The following CCSER1 variants were observed in gnomAD, a reference collection of about 807,000 sequenced individuals.
The protein encoded by CCSER1 is coiled-coil serine rich protein 1.
Under a neutral mutation model 82.0 loss-of-function variants are expected in CCSER1, and 41 were observed. That is an observed-to-expected ratio of 0.50 (90% CI 0.39 to 0.65). The LOEUF (loss-of-function observed/expected upper bound fraction) is 0.65. Among genes scored for constraint, CCSER1 ranks in the 30% least tolerant of loss-of-function variants. The pLI is 0.00. For synonymous variants in CCSER1, 414 were observed against 383.9 expected, an observed-to-expected ratio of 1.08 and a Z score of -0.92; for missense variants, 1,119 against 1,064.2, an observed-to-expected ratio of 1.05 and a Z score of -0.72.
chr4:90,149,706 A>G (rs563348556), intron 1 of CCSER1, among the ~76,000 whole-genome samples: 2 of 152,278 alleles, frequency 1.3e-5, no homozygotes, highest in African/African-American at 2.4e-5. Flanking sequence ...GTGTTTGAAA[A>G]TCAGAAACAG....
Position 90,468,293 on chromosome 4 carries a change from A to G in CCSER1, c.1663A>G (p.Met555Val), listed in dbSNP as rs187207325. Residue 555 changes from methionine to valine, a missense_variant, in exon 5 of 11, where the codon ATG becomes GTG. Coordinates refer to ENST00000509176, the MANE Select transcript of CCSER1 (RefSeq NM_001145065.2). ...VSCAAVVLTP[M>V]EPMIEMKKRE... ...ATGTGCCGCAGTAGTTCTTACTCCT[A>G]TGGAACCAATGATAGAAATGAAGAA... 1,584 of 1,609,256 alleles carry G rather than the reference A, an allele frequency of 9.8e-4. 8 individuals carry two copies. The Admixed American group carries it at 0.014, about 14-fold the overall frequency.
intron 10 of CCSER1, among the ~76,000 whole-genome samples, chr4:91,100,797 A>T (rs1724984366): frequency 6.6e-6 from 1 of 152,148 alleles, no homozygotes; most frequent in Non-Finnish European, 1.5e-5. Flanking sequence ...ATGTTTGTAG[A>T]TCACTGACCT....
intron 5 of CCSER1, among the ~76,000 whole-genome samples, chr4:90,495,001 A>C (rs1018933771): frequency 3.9e-5 from 6 of 152,126 alleles, no homozygotes; most frequent in South Asian, 2.1e-4. Context: ...ATTCACATTC[A>C]TTTCAGATGC....
intron 6 of CCSER1, among the ~76,000 whole-genome samples, chr4:90,632,674 T>G (rs996767679): frequency 6.6e-6 from 1 of 152,130 alleles, no homozygotes; most frequent in Non-Finnish European, 1.5e-5. Context: ...ACTTTCTCAG[T>G]GTCTCTTCCA....
intron 7 of CCSER1, among the ~76,000 whole-genome samples, chr4:90,733,773 A>G (rs1178781746): frequency 6.6e-6 from 1 of 152,148 alleles, no homozygotes; most frequent in Non-Finnish European, 1.5e-5. Flanking sequence ...ATCATTTATT[A>G]AAGAGATTTT....
At chr4:91,253,909 C>T (rs906022672) in intron 10 of CCSER1, among the ~76,000 whole-genome samples, 2 of 152,152 alleles carry the variant, frequency 1.3e-5, no homozygotes, top group South Asian at 2.1e-4. Flanking sequence ...TGAGAACTCA[C>T]TATCACGAGG....
intron 6 of CCSER1, among the ~76,000 whole-genome samples, chr4:90,659,100 G>A (rs1011864042): frequency 3.6e-5 from 2 of 56,234 alleles, no homozygotes; most frequent in Non-Finnish European, 7.6e-5. Context: ...TTTTTTTTTT[G>A]AGAACTGCCC....
At chr4:90,700,134 C>A (rs890384096) in intron 6 of CCSER1, among the ~76,000 whole-genome samples, 15 of 152,042 alleles carry the variant, frequency 9.9e-5, no homozygotes, top group East Asian at 3.9e-4. Flanking sequence ...CTATCCCTCC[C>A]CACTCCCCTC....
chr4:90,784,501 T>C (rs7661902), intron 7 of CCSER1, among the ~76,000 whole-genome samples: 139,031 of 152,274 alleles, frequency 0.91, 63,656 homozygotes, highest in African/African-American at 0.98. Flanking sequence ...TTTTGATAAG[T>C]CTGGAGCTGT....
At chr4:91,497,115 G>A (rs1039936816) in intron 10 of CCSER1, among the ~76,000 whole-genome samples, 5 of 151,072 alleles carry the variant, frequency 3.3e-5, no homozygotes, top group African/African-American at 1.2e-4. Flanking sequence ...AGTTGCCTGG[G>A]CTTAAATCCC....
At chr4:91,112,940 C>A (rs941945154) in intron 10 of CCSER1, 3 of 152,188 alleles carry the variant, frequency 2.0e-5, no homozygotes, top group Non-Finnish European at 4.4e-5. Flanking sequence ...CAAATTTTCT[C>A]ATCTCTTCTT....
chr4:90,588,866 T>C (rs1177635215), intron 5 of CCSER1, among the ~76,000 whole-genome samples: 1 of 152,206 alleles, frequency 6.6e-6, no homozygotes, highest in African/African-American at 2.4e-5. Flanking sequence ...CCAAGCCACA[T>C]GGAACTGTGA....
chr4:91,406,467 A>G (rs1752708751), intron 10 of CCSER1, among the ~76,000 whole-genome samples: 1 of 152,152 alleles, frequency 6.6e-6, no homozygotes, highest in Non-Finnish European at 1.5e-5. Flanking sequence ...AATTGTGTCA[A>G]TAATATGTCG....
intron 5 of CCSER1, among the ~76,000 whole-genome samples, chr4:90,493,427 T>C (rs1768411797): frequency 6.6e-6 from 1 of 151,926 alleles, no homozygotes; most frequent in South Asian, 2.1e-4. Flanking sequence ...ACAAAGATAC[T>C]CCTCGAGAAG....
At chr4:91,280,590 A>G (rs1391103608) in intron 10 of CCSER1, among the ~76,000 whole-genome samples, 2 of 152,184 alleles carry the variant, frequency 1.3e-5, no homozygotes, top group Non-Finnish European at 1.5e-5. Context: ...AGCAGTGATT[A>G]CACTGTGGCT....
chr4:90,763,060 G>T (rs775123184), intron 7 of CCSER1, among the ~76,000 whole-genome samples: 4 of 152,066 alleles, frequency 2.6e-5, no homozygotes, highest in Non-Finnish European at 5.9e-5. Context: ...AAAGTGAGAA[G>T]AGATGGCTTA....
At chr4:90,470,324 A>G (rs1764191879) in intron 5 of CCSER1, among the ~76,000 whole-genome samples, 1 of 152,214 alleles carries the variant, frequency 6.6e-6, no homozygotes, top group Admixed American at 6.5e-5. Context: ...CATCTATCAA[A>G]TGGAAATTGT....
intron 10 of CCSER1, among the ~76,000 whole-genome samples, chr4:91,261,040 G>A (rs983092867): frequency 6.6e-6 from 1 of 152,194 alleles, no homozygotes; most frequent in Non-Finnish European, 1.5e-5. Flanking sequence ...TGAGATTACA[G>A]GCGTGGGCCA....
Position 90,724,495 on chromosome 4 carries a change from G to T in CCSER1, c.2010+504G>T, listed in dbSNP as rs140557623. Among the ~76,000 whole-genome samples, 71 of 151,972 alleles carry T rather than the reference G, an allele frequency of 4.7e-4. 1 individual carries two copies. In the East Asian group the frequency reaches 0.011, roughly 24 times the overall value. Reference sequence around the variant, plus strand: ...TTGGAGTAAATATGCAAATAAGTATGTGGTATGACTGGTGGCATTTTTTTC... The same window carrying T: ...TTGGAGTAAATATGCAAATAAGTATTTGGTATGACTGGTGGCATTTTTTTC... On this transcript the variant is annotated intron_variant, in intron 7 of 10. Coordinates refer to ENST00000509176, the MANE Select transcript of CCSER1 (RefSeq NM_001145065.2).
Sources: allele counts gnomAD v4.1 joint callset (sites outside exome capture counted in the v4.1 genomes callset), GRCh38; gene constraint gnomAD v4.1.1; transcripts MANE v1.5; gene names NCBI Gene and HGNC (gene_info 2026-07-23, HGNC 2026-07-21).